Variants in UVRAG observed in about 807,000 individuals in gnomAD.
UVRAG encodes UV radiation resistance-associated gene protein.
A neutral mutation model predicts 78.0 loss-of-function variants in UVRAG; 19 were observed. The ratio of observed to expected loss-of-function variants is 0.24; its 90% CI spans 0.17 to 0.36. UVRAG has a LOEUF of 0.36. Ranked by LOEUF, UVRAG falls within the 10% of genes least tolerant of loss-of-function variation. The probability of loss-of-function intolerance (pLI) is 1.00; values close to 1 mark genes in which losing one functional copy is unlikely to be tolerated. For synonymous variants in UVRAG, 323 were observed against 324.6 expected, an observed-to-expected ratio of 1.00 and a Z score of 0.05; for missense variants, 740 against 853.8, an observed-to-expected ratio of 0.87 and a Z score of 1.66.
At chr11:76,130,305 G>A (rs1450202983) in intron 14 of UVRAG, among the ~76,000 whole-genome samples, 18 of 152,158 alleles carry the variant, frequency 1.2e-4, no homozygotes, top group Admixed American at 1.2e-3. Context: ...ATTGATGTAT[G>A]TGATGTATGT....
intron 6 of UVRAG, among the ~76,000 whole-genome samples, chr11:75,935,512 CA>C (rs1948351911): frequency 6.6e-6 from 1 of 151,966 alleles, no homozygotes; most frequent in Non-Finnish European, 1.5e-5. Context: ...GTGGATTGAC[CA>C]TTATTTCCAT....
intron 2 of UVRAG, among the ~76,000 whole-genome samples, chr11:75,858,874 G>A (rs1034495589): frequency 6.6e-6 from 1 of 152,172 alleles, no homozygotes; most frequent in Admixed American, 6.5e-5. Context: ...GCTTTGAATA[G>A]ATACACCATA....
intron 3 of UVRAG, among the ~76,000 whole-genome samples, chr11:75,877,315 T>A (rs1236805879): frequency 6.6e-6 from 1 of 152,192 alleles, no homozygotes; most frequent in Non-Finnish European, 1.5e-5. Context: ...CGCTTTCTAT[T>A]CCACAAAACC....
chr11:76,018,492 C>T (rs1176293905), intron 12 of UVRAG, among the ~76,000 whole-genome samples: 1 of 152,092 alleles, frequency 6.6e-6, no homozygotes, highest in Non-Finnish European at 1.5e-5. Flanking sequence ...TCACTGCAAC[C>T]TCCACCTCCT....
intron 13 of UVRAG, among the ~76,000 whole-genome samples, chr11:76,110,534 T>C (rs1288711788): frequency 6.6e-6 from 1 of 152,186 alleles, no homozygotes; most frequent in Non-Finnish European, 1.5e-5. Context: ...AATTAACAAG[T>C]ATTTATCAAG....
At position 76,112,046 on chromosome 11, in the gene UVRAG, G is replaced by A. The variant is rs138522578; in HGVS notation, c.1306-3878G>A. On this transcript the variant is annotated intron_variant, in intron 13 of 14. Coordinates refer to ENST00000356136, the MANE Select transcript of UVRAG (RefSeq NM_003369.4). ...GAAAATGATCAGAATTAGGCAATAA[G>A]AGTATTCATATTGAAAGGATGTACT... Among the ~76,000 whole-genome samples, 470 of 151,870 alleles carry A rather than the reference G, an allele frequency of 3.1e-3. 8 individuals are homozygous for A. Among genetic ancestry groups the A allele is most frequent in the East Asian group, 2.1e-3 (11 of 5,164 alleles).
rs556433728 is a variant in UVRAG at position 75,960,812 on chromosome 11, CAAAG to C, written c.594-628_594-625del. Reference sequence around the variant, plus strand: ...ATAAGGAGACCAAGAAGCAAAAACACAAAGAAAACCATAATTTAAAAATAAAAAT... The same window carrying C: ...ATAAGGAGACCAAGAAGCAAAAACACAAAACCATAATTTAAAAATAAAAAT... On this transcript the variant is annotated intron_variant, in intron 6 of 14. Coordinates refer to ENST00000356136, the MANE Select transcript of UVRAG (RefSeq NM_003369.4). Among the ~76,000 whole-genome samples the C allele has an allele frequency of 3.8e-3, 574 of 152,202 alleles. 4 individuals are homozygous for C. Among genetic ancestry groups the C allele is most frequent in the African/African-American group, 0.014 (563 of 41,546 alleles).
chr11:75,926,239 A>T (rs1284342584), intron 6 of UVRAG, among the ~76,000 whole-genome samples: 1 of 152,262 alleles, frequency 6.6e-6, no homozygotes, highest in South Asian at 2.1e-4. Flanking sequence ...CTCTATGACC[A>T]CATAGGTCTT....
chr11:75,821,019 A>G (rs906121104), intron 1 of UVRAG, among the ~76,000 whole-genome samples: 3 of 152,248 alleles, frequency 2.0e-5, no homozygotes, highest in Non-Finnish European at 2.9e-5. Context: ...ATGTTATACA[A>G]CCATCATCAC....
At chr11:75,905,321 T>C (rs958612403) in intron 5 of UVRAG, among the ~76,000 whole-genome samples, 1 of 152,230 alleles carries the variant, frequency 6.6e-6, no homozygotes, top group African/African-American at 2.4e-5. Context: ...ATTAACTGTT[T>C]TGAAGTGTGC....
intron 6 of UVRAG, among the ~76,000 whole-genome samples, chr11:75,937,623 G>A (rs892693272): frequency 1.3e-5 from 2 of 152,026 alleles, no homozygotes; most frequent in African/African-American, 4.8e-5. Flanking sequence ...TGTCATTCTA[G>A]TATCCTCTCC....
intron 12 of UVRAG, among the ~76,000 whole-genome samples, chr11:76,049,366 G>C (rs1343056786): frequency 6.6e-6 from 1 of 152,192 alleles, no homozygotes; most frequent in Non-Finnish European, 1.5e-5. Context: ...ACAGTTATTG[G>C]TATTGACAAT....
chr11:75,966,009 G>T (rs982567578), intron 7 of UVRAG, among the ~76,000 whole-genome samples: 3 of 152,066 alleles, frequency 2.0e-5, no homozygotes, highest in South Asian at 2.1e-4. Context: ...TGCTAAGAAT[G>T]CCCTTCATTA....
chr11:76,071,208 T>C (rs140123355), intron 13 of UVRAG, among the ~76,000 whole-genome samples: 70 of 152,300 alleles, frequency 4.6e-4, no homozygotes, highest in African/African-American at 1.6e-3. Context: ...GGACCTACTT[T>C]AGATTAAATT....
intron 1 of UVRAG, among the ~76,000 whole-genome samples, chr11:75,821,659 C>A (rs1945392734): frequency 6.6e-6 from 1 of 152,104 alleles, no homozygotes; most frequent in South Asian, 2.1e-4. Flanking sequence ...TACCTGATGT[C>A]CTTCTTCCGT....
intron 13 of UVRAG, among the ~76,000 whole-genome samples, chr11:76,109,653 A>G (rs1162352536): frequency 1.3e-5 from 2 of 152,234 alleles, no homozygotes; most frequent in South Asian, 2.1e-4. Context: ...CTTAGTGGAC[A>G]CTCAATAAAT....
intron 6 of UVRAG, among the ~76,000 whole-genome samples, chr11:75,949,741 A>G (rs1163507222): frequency 7.1e-6 from 1 of 141,156 alleles, no homozygotes; most frequent in African/African-American, 3.0e-5. Flanking sequence ...ATATACACAT[A>G]TATATATACA....
Position 75,969,476 on chromosome 11 carries a change from G to T in UVRAG, c.699+7927G>T, listed in dbSNP as rs113224008. Among the ~76,000 whole-genome samples, 398 of 152,234 alleles carry T rather than the reference G, an allele frequency of 2.6e-3. 1 individual carries two copies. The highest frequency in any genetic ancestry group is 9.2e-3 in the African/African-American group (383 of 41,540). ...TACAGTGGGGTGGCAGGGCAAAATG[G>T]CTTTTATCTCCAGTAGACCTAAATT... On this transcript the variant is annotated intron_variant, in intron 7 of 14. Transcript: ENST00000356136.
chr11:75,889,690 A>T (rs565880419), intron 5 of UVRAG, among the ~76,000 whole-genome samples: 44 of 152,350 alleles, frequency 2.9e-4, no homozygotes, highest in African/African-American at 9.6e-4. Context: ...ACAACATTTT[A>T]TTGAGCGCCT....
Sources: gnomAD v4.1 joint callset for allele counts (sites outside exome capture counted in the v4.1 genomes callset) on GRCh38, gnomAD v4.1.1 for gene constraint, MANE v1.5 for transcripts, NCBI Gene and HGNC (gene_info 2026-07-23, HGNC 2026-07-21) for gene names.